SUMF1: variants seen among roughly 807,000 people sequenced by gnomAD.
The protein encoded by SUMF1 is formylglycine-generating enzyme.
A neutral mutation model predicts 47.6 loss-of-function variants in SUMF1; 48 were observed. That is an observed-to-expected ratio of 1.01 (90% CI 0.80 to 1.28). SUMF1 has a LOEUF of 1.28. Among genes scored for constraint, SUMF1 ranks in the 50% most tolerant of loss-of-function variants. SUMF1 has a pLI of 0.00. For missense variants in SUMF1, 571 were observed against 485.4 expected, an observed-to-expected ratio of 1.18 and a Z score of -1.66; for synonymous variants, 230 against 192.1, an observed-to-expected ratio of 1.20 and a Z score of -1.63.
chr3:4,394,752 T>C (rs1700988085), intron 7 of SUMF1, among the ~76,000 whole-genome samples: 1 of 152,190 alleles, frequency 6.6e-6, no homozygotes, highest in East Asian at 1.9e-4. Flanking sequence ...GCTGCAGCTG[T>C]TTCTCACTGA....
intron 8 of SUMF1, among the ~76,000 whole-genome samples, chr3:4,156,248 A>G (rs373464100): frequency 6.6e-6 from 1 of 151,482 alleles, no homozygotes; most frequent in African/African-American, 2.5e-5. Flanking sequence ...TGCAGAAGGG[A>G]AACAACTTGC....
intron 8 of SUMF1, among the ~76,000 whole-genome samples, chr3:4,219,640 G>C (rs1280657104): frequency 1.3e-5 from 2 of 152,070 alleles, no homozygotes; most frequent in African/African-American, 2.4e-5. Flanking sequence ...TCCACCATTT[G>C]AGTTTACTTC....
chr3:4,075,022 C>A (rs977719243), intron 8 of SUMF1, among the ~76,000 whole-genome samples: 2 of 152,026 alleles, frequency 1.3e-5, no homozygotes, highest in African/African-American at 2.4e-5. Context: ...GATACCAAAG[C>A]CTGGCAGAGA....
At chr3:4,289,086 G>A (rs1164471719) in intron 8 of SUMF1, among the ~76,000 whole-genome samples, 2 of 152,138 alleles carry the variant, frequency 1.3e-5, no homozygotes, top group East Asian at 1.9e-4. Context: ...TCAGAGTGAG[G>A]GCTATTTTAA....
At chr3:4,052,833 G>C (rs1695136030) in intron 9 of SUMF1, among the ~76,000 whole-genome samples, 1 of 152,090 alleles carries the variant, frequency 6.6e-6, no homozygotes, top group South Asian at 2.1e-4. Flanking sequence ...ATTAGGCTTT[G>C]GCTTAAAGAA....
intron 8 of SUMF1, among the ~76,000 whole-genome samples, chr3:4,137,364 T>C (rs970950351): frequency 2.0e-5 from 3 of 151,796 alleles, no homozygotes; most frequent in Admixed American, 1.3e-4. Context: ...CAGCAAACTA[T>C]TGCAAGAACA....
intron 9 of SUMF1, among the ~76,000 whole-genome samples, chr3:4,054,967 G>C (rs1695166616): frequency 6.6e-6 from 1 of 152,082 alleles, no homozygotes; most frequent in Non-Finnish European, 1.5e-5. Context: ...GTACGCCCAG[G>C]GTCTTTCCTG....
intron 8 of SUMF1, among the ~76,000 whole-genome samples, chr3:4,101,201 T>C (rs1693024227): frequency 6.6e-6 from 1 of 152,140 alleles, no homozygotes; most frequent in African/African-American, 2.4e-5. Flanking sequence ...TTCATGTTCA[T>C]TGAAGCATTA....
intron 3 of SUMF1, among the ~76,000 whole-genome samples, chr3:4,436,682 C>T (rs945751368): frequency 6.7e-6 from 1 of 150,142 alleles, no homozygotes; most frequent in Non-Finnish European, 1.5e-5. Context: ...TAAGCAATTG[C>T]AAAACTATTA....
chr3:4,185,903 T>A (rs1695191770), intron 8 of SUMF1, among the ~76,000 whole-genome samples: 1 of 152,144 alleles, frequency 6.6e-6, no homozygotes, highest in South Asian at 2.1e-4. Flanking sequence ...GTGGCAGGAT[T>A]AAAAAGGGGC....
Position 4,353,750 on chromosome 3 carries a change from C to G in SUMF1, c.1014+22580G>C, listed in dbSNP as rs117016295. On this transcript the variant is annotated intron_variant and NMD_transcript_variant, in intron 8 of 12. Coordinates refer to the SUMF1 transcript ENST00000448413. ...AGGTCTCTGGGGTCTCCAGACCACA[C>G]TTGGAGAACTGCTGAGCTAGATAAA... is the stretch of plus-strand genomic sequence containing the variant. Among the ~76,000 whole-genome samples, 110 of 152,222 alleles carry G rather than the reference C, an allele frequency of 7.2e-4. No homozygotes were observed. The East Asian group carries it at 0.019, about 27-fold the overall frequency.
At chr3:4,060,956 C>T (rs1388479153) in intron 9 of SUMF1, among the ~76,000 whole-genome samples, 6 of 152,126 alleles carry the variant, frequency 3.9e-5, no homozygotes, top group African/African-American at 1.4e-4. Flanking sequence ...TGAGGTCCTT[C>T]CAGCTTTCAA....
chr3:4,119,191 T>C (rs911785874), intron 8 of SUMF1, among the ~76,000 whole-genome samples: 2 of 152,142 alleles, frequency 1.3e-5, no homozygotes, highest in African/African-American at 2.4e-5. Context: ...CGGACTGCTC[T>C]CTCCGCCTAC....
At chr3:4,461,409 A>G (rs1164024993) in intron 1 of SUMF1, among the ~76,000 whole-genome samples, 2 of 152,244 alleles carry the variant, frequency 1.3e-5, no homozygotes, top group African/African-American at 4.8e-5. Flanking sequence ...CTCTAATAAG[A>G]GATTTCATAA....
intron 8 of SUMF1, among the ~76,000 whole-genome samples, chr3:4,185,818 T>C (rs573185602): frequency 4.2e-4 from 64 of 152,330 alleles, no homozygotes; most frequent in African/African-American, 1.4e-3. Flanking sequence ...GAATGATAGA[T>C]AATACTGGCT....
chr3:4,049,612 T>C (rs1695067601), intron 9 of SUMF1, among the ~76,000 whole-genome samples: 1 of 152,088 alleles, frequency 6.6e-6, no homozygotes, highest in Non-Finnish European at 1.5e-5. Context: ...TAAGCACCCC[T>C]GGGCTCCAGC....
At chr3:4,300,366 A>T (rs1442770181) in intron 8 of SUMF1, among the ~76,000 whole-genome samples, 1 of 151,700 alleles carries the variant, frequency 6.6e-6, no homozygotes, top group Non-Finnish European at 1.5e-5. Context: ...AGCCAATTAA[A>T]CCTCTTTTCT....
chr3:4,063,650 G>T (rs1270738428), intron 9 of SUMF1, among the ~76,000 whole-genome samples: 1 of 151,868 alleles, frequency 6.6e-6, no homozygotes, highest in Admixed American at 6.6e-5. Context: ...TCTCTTCCTG[G>T]TTTGCAAACT....
chr3:4,174,044 G>A (rs1284357530), intron 8 of SUMF1, among the ~76,000 whole-genome samples: 2 of 152,064 alleles, frequency 1.3e-5, no homozygotes, highest in African/African-American at 4.8e-5. Context: ...TAATTAGCTA[G>A]TATTAGCTAG....
Sources: allele counts gnomAD v4.1 joint callset (sites outside exome capture counted in the v4.1 genomes callset), GRCh38; gene constraint gnomAD v4.1.1; transcripts MANE v1.5; gene names NCBI Gene and HGNC (gene_info 2026-07-23, HGNC 2026-07-21).